Variants in PDIA4 observed in about 807,000 individuals in gnomAD.
The protein encoded by PDIA4 is protein disulfide isomerase family A member 4.
In PDIA4, 33 loss-of-function variants were observed where a neutral mutation model predicts 62.1. The ratio of observed to expected loss-of-function variants is 0.53; its 90% confidence interval spans 0.40 to 0.71. The LOEUF is 0.71. Ranked by LOEUF, PDIA4 falls within the 30% of genes least tolerant of loss-of-function variation. PDIA4 has a pLI of 0.00. For synonymous variants in PDIA4, 341 were observed against 324.1 expected (o/e 1.05, Z -0.56); for missense variants, 804 against 813.6 (o/e 0.99, Z 0.14).
chr7:149,012,951 T>C (rs539685534), intron 4 of PDIA4, among the ~76,000 whole-genome samples: 4 of 152,186 alleles, frequency 2.6e-5, no homozygotes, highest in Admixed American at 2.0e-4. Context: ...ACACAGCCCA[T>C]TGCCCACAAG....
Position 149,011,900 on chromosome 7 carries a change from T to C in PDIA4, c.925A>G (p.Ile309Val). Residue 309 changes from isoleucine to valine, a missense_variant, in exon 6 of 10, where the codon ATC (isoleucine) becomes GTC (valine). Physicochemically the swap from Ile to Val is conservative, Grantham distance 29. Transcript: ENST00000652332. ...TCACTCTCCCCCTTAAAGACCCCGA[T>C]GATGATGACATCGTCTCCATCCTTC... Reference protein sequence around the residue: ...FLKDGDDVIIIGVFKGESDPA... With the variant: ...FLKDGDDVIIVGVFKGESDPA... 1.2e-6 allele frequency: 2 copies of C among 1,605,840 alleles called. No homozygotes were observed. Among genetic ancestry groups the C allele is most frequent in the East Asian group, 2.2e-5 (1 of 44,838 alleles).
rs1375144312 is a variant in PDIA4 at position 149,028,460 on chromosome 7, C to T, written c.-52G>A. On this transcript the variant is annotated 5_prime_UTR_variant, in exon 1 of 10. Transcript: ENST00000652332. ...TAGCGTCGGCGGCCGCTGAGCGCAC[C>T]GAGAACTCGGGGTCTGGCCGACAGC... 7.7e-7 allele frequency: 1 copy of T among 1,294,966 alleles called. No individual in the cohort carries two copies. Among genetic ancestry groups the T allele is most frequent in the Non-Finnish European group, 1.0e-6 (1 of 971,824 alleles). The allele number at this position is 1,294,966 out of a possible 1,614,324, so 80.2% of individuals were successfully genotyped here.
At chr7:149,018,832 AC>A (rs1016885100) in intron 3 of PDIA4, among the ~76,000 whole-genome samples, 159 bp downstream of exon 3, 3 of 13,950 alleles carry the variant, frequency 2.2e-4, no homozygotes, top group African/African-American at 5.9e-4. Flanking sequence ...CCCCCCTCCT[AC>A]CCCCCCACCC....
intron 2 of PDIA4, 75 bp from the exon 3 acceptor site, chr7:149,019,272 A>G: frequency 9.3e-7 from 1 of 1,074,860 alleles, no homozygotes; most frequent in Non-Finnish European, 1.4e-6. Flanking sequence ...AATACATACC[A>G]CTTTGGTTTG....
intron 9 of PDIA4, 37 bp from the exon 10 acceptor site, chr7:149,004,246 C>T: frequency 6.3e-7 from 1 of 1,576,272 alleles, no homozygotes; most frequent in Non-Finnish European, 8.6e-7. Flanking sequence ...GGCGTCAGTG[C>T]TGCAAAGGCC....
rs745384473 is a variant in PDIA4, at chr7:149,021,047, T to G, written c.189A>C (p.Gly63=). Residue 63 remains glycine (G), a synonymous_variant, in exon 2 of 10, where the codon GGA becomes GGC. Coordinates refer to ENST00000652332, the MANE Select transcript of PDIA4 (RefSeq NM_004911.5). The part of the protein sequence containing the change: ...EDDLEVKEEN[G]VLVLNDANFD... ...AGTTTGCATCATTTAGGACCAAGACTCCATTTTCTTCCTTAACTTCCAAGT... is the reference window on the plus strand; with the variant it reads ...AGTTTGCATCATTTAGGACCAAGACGCCATTTTCTTCCTTAACTTCCAAGT... 1.7e-5 allele frequency: 27 copies of G among 1,614,058 alleles called. No individual in the cohort carries two copies. In the South Asian group the frequency reaches 2.6e-4, roughly 16 times the overall value.
intron 4 of PDIA4, 127 bp downstream of exon 4, chr7:149,014,777 A>C: frequency 1.2e-6 from 1 of 813,772 alleles, no homozygotes; most frequent in South Asian, 1.7e-5. Context: ...CTGGAGCCTC[A>C]ATCCTGGCCT....
chr7:149,020,901 G>T, intron 2 of PDIA4, 66 bp downstream of exon 2: 2 of 1,565,608 alleles, frequency 1.3e-6, no homozygotes, highest in South Asian at 2.4e-5. Context: ...TGGATGACCG[G>T]GTGAAGGGCT....
At position 149,018,931 on chromosome 7, in the gene PDIA4, G is replaced by C. The variant is rs998669113; in HGVS notation, c.475+61C>G. ...ACCCTCAGCTTTTCTTCCTCTATTA[G>C]CCAAATTCCCATTCCCTGCGGGAAG... On this transcript the variant is annotated intron_variant, in intron 3 of 9. Transcript: ENST00000652332. 3.5e-5 allele frequency: 46 copies of C among 1,303,578 alleles called. No individual in the cohort carries two copies. The East Asian group carries it at 1.1e-3, about 30-fold the overall frequency. The allele number at this position is 1,303,578 out of a possible 1,614,324, so 80.8% of individuals were successfully genotyped here.
At position 149,003,783 on chromosome 7, in the gene PDIA4, ACCT is replaced by A; in HGVS notation, c.*8_*10del. The A allele has an allele frequency of 6.7e-7, 1 of 1,503,038 alleles. No homozygotes were observed. Among genetic ancestry groups the A allele is most frequent in the African/African-American group, 1.4e-5 (1 of 71,242 alleles). 93.1% of individuals were successfully genotyped at this position (1,503,038 alleles called of 1,614,324 possible). ...GTCTGCCTCCTCCCACCTTCCGCAG[ACCT>A]CAGGCCTTCAAAGCTCTTCCTTGGT... On this transcript the variant is annotated 3_prime_UTR_variant, in exon 10 of 10. Coordinates refer to ENST00000652332, the MANE Select transcript of PDIA4 (RefSeq NM_004911.5).
chr7:149,021,276 G>A, intron 1 of PDIA4, 129 bp from the exon 2 acceptor site: 2 of 842,988 alleles, frequency 2.4e-6, no homozygotes, highest in Non-Finnish European at 1.8e-6. Flanking sequence ...GGATCACGAG[G>A]TCAGGAGTTC....
intron 3 of PDIA4, among the ~76,000 whole-genome samples, chr7:149,018,630 C>A (rs1824228882): frequency 6.6e-6 from 1 of 152,092 alleles, no homozygotes; most frequent in South Asian, 2.1e-4. Context: ...TGGGGTTTCA[C>A]CATGTTGGTC....
chr7:149,026,683 C>A (rs1161461284), intron 1 of PDIA4, among the ~76,000 whole-genome samples: 1 of 151,792 alleles, frequency 6.6e-6, no homozygotes, highest in Non-Finnish European at 1.5e-5. Flanking sequence ...CCTACAGTCC[C>A]AGCTCCTCGG....
At position 149,008,292 on chromosome 7, in the gene PDIA4, T is replaced by A. The variant is rs755850498; in HGVS notation, c.998A>T (p.Asp333Val). 2 of 1,613,708 alleles carry A rather than the reference T, an allele frequency of 1.2e-6. No homozygotes were observed. Among genetic ancestry groups the A allele is most frequent in the Non-Finnish European group, 8.5e-7 (1 of 1,179,890 alleles). Residue 333 changes from aspartate to valine, a missense_variant, in exon 7 of 10, where the codon GAT becomes GTT. By Grantham distance (152) the Asp-to-Val change is radical (BLOSUM62 -3). Transcript: ENST00000652332. ...GCTGAAAGTGTGGTGAAATTTGTAA[T>A]CTTCTCTCAGGTTGTTAGCTGAAAC... is the stretch of plus-strand genomic sequence containing the variant. ...YQDAANNLRE[D>V]YKFHHTFSTE... is the part of the protein sequence containing the mutation.
chr7:149,004,142 C>T lies in PDIA4; in HGVS notation c.1590G>A (p.Val530=), dbSNP rs1563118344. The T allele has an allele frequency of 7.4e-6, 12 of 1,614,142 alleles. No individual in the cohort carries two copies. Among genetic ancestry groups the T allele is most frequent in the Non-Finnish European group, 1.0e-5 (12 of 1,180,006 alleles). The change falls in exon 10 of 10, where the codon GTG becomes GTA. Residue 530 remains valine (V), a synonymous_variant. Coordinates refer to ENST00000652332, the MANE Select transcript of PDIA4 (RefSeq NM_004911.5). ...PKNNKGPVKV[V]VGKTFDSIVM... ...CAATGGAGTCAAAGGTCTTTCCCAC[C>T]ACGACCTTGACGGGTCCCTTGTTGT...
At chr7:149,016,348 T>C (rs766288506) in intron 3 of PDIA4, among the ~76,000 whole-genome samples, 1 of 152,196 alleles carries the variant, frequency 6.6e-6, no homozygotes, top group Non-Finnish European at 1.5e-5. Context: ...AAGTTCTTTA[T>C]GTATGGATAT....
rs561315018 is a variant in PDIA4, at chr7:149,006,154, G to A, written c.1132-101C>T. ...TTTGGGGGAGTGGCGACTTTGAAGG[G>A]GATCAGTCTTAGGAGGCAAAACACC... is the stretch of plus-strand genomic sequence containing the variant. On this transcript the variant is annotated intron_variant, in intron 7 of 9. Coordinates refer to ENST00000652332, the MANE Select transcript of PDIA4 (RefSeq NM_004911.5). The A allele has an allele frequency of 3.4e-4, 432 of 1,286,062 alleles. 6 individuals are homozygous for A. In the Middle Eastern group the frequency reaches 0.011, roughly 34 times the overall value. The allele number at this position is 1,286,062 out of a possible 1,614,324, so 79.7% of individuals were successfully genotyped here. A position where few individuals can be genotyped will look rare whatever the true frequency, so the allele number is the denominator to read the frequency against.
intron 9 of PDIA4, among the ~76,000 whole-genome samples, chr7:149,004,633 G>A (rs1319628790): frequency 1.3e-5 from 2 of 152,216 alleles, no homozygotes; most frequent in Non-Finnish European, 1.5e-5. Flanking sequence ...AACAGGCTCT[G>A]TTTAAAGCTG....
intron 4 of PDIA4, 80 bp from the exon 5 acceptor site, chr7:149,012,440 T>C (rs964175581): frequency 1.6e-6 from 2 of 1,226,446 alleles, no homozygotes; most frequent in South Asian, 1.3e-5. Flanking sequence ...CAGAAACCCA[T>C]CCTGTGCTCC....
Sources: allele counts gnomAD v4.1 joint callset (sites outside exome capture counted in the v4.1 genomes callset), GRCh38; gene constraint gnomAD v4.1.1; transcripts MANE v1.5; gene names NCBI Gene and HGNC (gene_info 2026-07-23, HGNC 2026-07-21).